Variants in ZW10 observed in about 807,000 individuals in gnomAD.
ZW10 encodes the protein zw10 kinetochore protein, also known as centromere/kinetochore protein zw10 homolog.
In ZW10, 53 loss-of-function variants were observed where a neutral mutation model predicts 87.8. The observed-to-expected ratio is 0.60, with a 90% CI of 0.48 to 0.76. The LOEUF is 0.76. Among genes scored for constraint, ZW10 ranks in the 30% least tolerant of loss-of-function variants. The pLI is 0.00. For synonymous variants in ZW10, 312 were observed against 329.2 expected, an observed-to-expected ratio of 0.95 and a Z score of 0.57; for missense variants, 837 against 923.0, an observed-to-expected ratio of 0.91 and a Z score of 1.21.
intron 9 of ZW10, among the ~76,000 whole-genome samples, chr11:113,745,799 AG>A: frequency 6.6e-6 from 1 of 152,248 alleles, no homozygotes. Context: ...GAGTACACAT[AG>A]GGGAATAAAG....
intron 9 of ZW10, among the ~76,000 whole-genome samples, chr11:113,744,657 T>C (rs1029023452): frequency 6.6e-6 from 1 of 151,994 alleles, no homozygotes; most frequent in East Asian, 1.9e-4. Flanking sequence ...GGCACAATCA[T>C]AGCTCACTGT....
At chr11:113,735,138 C>G in intron 15 of ZW10, among the ~76,000 whole-genome samples, 2 of 152,060 alleles carry the variant, frequency 1.3e-5, no homozygotes, top group Admixed American at 1.3e-4. Context: ...CTACTGTATT[C>G]CTTCATATGT....
chr11:113,736,274 C>CAA (rs113525581), intron 15 of ZW10, among the ~76,000 whole-genome samples: 1 of 136,448 alleles, frequency 7.3e-6, no homozygotes, highest in Non-Finnish European at 1.6e-5. Flanking sequence ...GACCATGTCT[C>CAA]AAAAAAAAAA....
chr11:113,750,289 C>T (rs1228650519), intron 7 of ZW10, among the ~76,000 whole-genome samples: 28 of 151,254 alleles, frequency 1.9e-4, no homozygotes, highest in Admixed American at 1.8e-3. Context: ...TTGCTTGTTG[C>T]ATACAAAACA....
chr11:113,758,504 A>C (rs1953821386), intron 6 of ZW10, 50 bp downstream of exon 6: 1 of 1,576,302 alleles, frequency 6.3e-7, no homozygotes, highest in African/African-American at 1.4e-5. Flanking sequence ...TCCCTTTAAT[A>C]CTGGGCCTCA....
In ZW10 at chr11:113,739,263, C is replaced by A. The variant is rs756685419; in HGVS notation, c.1703G>T (p.Cys568Phe). 1 of 1,613,868 alleles carries A rather than the reference C, an allele frequency of 6.2e-7. No homozygotes were observed. Among genetic ancestry groups the A allele is most frequent in the South Asian group, 1.1e-5 (1 of 91,012 alleles). The change falls in exon 12 of 16, where the codon TGT (cysteine) becomes TTT (phenylalanine). Residue 568 changes from cysteine to phenylalanine, a missense_variant. Cys to Phe is a radical substitution (Grantham distance 205). Coordinates refer to ENST00000200135, the MANE Select transcript of ZW10 (RefSeq NM_004724.4). ...ATCCACAAAAGTAGCAGTGCCATCACAAAGAATGGGGGCAAGACGCAATCT... is the reference window on the plus strand; with the variant it reads ...ATCCACAAAAGTAGCAGTGCCATCAAAAAGAATGGGGGCAAGACGCAATCT... ...QFRLRLAPILCDGTATFVDLV... is the reference protein window; with the variant it reads ...QFRLRLAPILFDGTATFVDLV...
At chr11:113,744,070 T>C (rs1196980485) in intron 9 of ZW10, 30 bp from the exon 10 acceptor site, 3 of 1,541,666 alleles carry the variant, frequency 1.9e-6, no homozygotes, top group East Asian at 2.3e-5. Context: ...ATACAGAAAA[T>C]ATATTGTTTT....
chr11:113,757,820 A>G lies in ZW10; in HGVS notation c.767T>C (p.Leu256Pro). The G allele has an allele frequency of 6.2e-7, 1 of 1,612,440 alleles. No homozygotes were observed. Among genetic ancestry groups the G allele is most frequent in the Non-Finnish European group, 8.5e-7 (1 of 1,179,092 alleles). ...AGCATGAAGGGATGGGCAAGATGCC[A>G]GCGGCCTAAGGATATACTTCAGCAG... ...QMLLKYILRP[L>P]ASCPSLHAVI... Residue 256 changes from leucine (L) to proline (P), a missense_variant, in exon 7 of 16, where the codon CTG becomes CCG. Coordinates refer to ENST00000200135, the MANE Select transcript of ZW10 (RefSeq NM_004724.4).
In ZW10 at chr11:113,748,276, TTGC is replaced by T; in HGVS notation, c.1067_1069del (p.Ser356del). On this transcript the variant is annotated inframe_deletion, in exon 8 of 16. Transcript: ENST00000200135. ...CTTTACCTCTTCATATTGCTGTAAT[TTGC>T]TGCTATTTGTTGGAATCGAATAAAC... is the stretch of plus-strand genomic sequence containing the variant. The T allele has an allele frequency of 6.2e-7, 1 of 1,612,754 alleles. No homozygotes were observed. Among genetic ancestry groups the T allele is most frequent in the Non-Finnish European group, 8.5e-7 (1 of 1,179,624 alleles).
chr11:113,746,126 G>A (rs910402725), intron 9 of ZW10, among the ~76,000 whole-genome samples: 18 of 152,140 alleles, frequency 1.2e-4, no homozygotes, highest in Non-Finnish European at 2.1e-4. Flanking sequence ...AGAATTAGCC[G>A]GTCCCAAATG....
Position 113,736,761 on chromosome 11 carries a change from C to T in ZW10, c.2078G>A (p.Gly693Glu). Residue 693 changes from glycine (G) to glutamate (E), a missense_variant, in exon 15 of 16, where the codon GGA becomes GAA. Coordinates refer to ENST00000200135, the MANE Select transcript of ZW10 (RefSeq NM_004724.4). ...AGATAAAGGTGCAAATACTTGGGGT[C>T]CTTCATCCATCACTGTTTTGCATAA... is the stretch of plus-strand genomic sequence containing the variant. ...YSLCKTVMDE[G>E]PQVFAPLSEE... 1 of 1,614,142 alleles carries T rather than the reference C, an allele frequency of 6.2e-7. No homozygotes were observed. Among genetic ancestry groups the T allele is most frequent in the East Asian group, 2.2e-5 (1 of 44,882 alleles).
intron 10 of ZW10, among the ~76,000 whole-genome samples, chr11:113,743,482 C>T (rs1365372199): frequency 6.6e-6 from 1 of 152,126 alleles, no homozygotes; most frequent in African/African-American, 2.4e-5. Context: ...AGTAAAAATT[C>T]AACAACAATT....
intron 2 of ZW10, among the ~76,000 whole-genome samples, chr11:113,768,049 C>T (rs959762710): frequency 5.3e-5 from 8 of 152,202 alleles, no homozygotes; most frequent in African/African-American, 7.2e-5. Context: ...TTACCAGGCA[C>T]GAGATTCACA....
chr11:113,750,286 T>C (rs1276202656), intron 7 of ZW10, among the ~76,000 whole-genome samples: 2 of 151,968 alleles, frequency 1.3e-5, no homozygotes, highest in Admixed American at 6.6e-5. Context: ...TGCTTGCTTG[T>C]TGCATACAAA....
intron 15 of ZW10, among the ~76,000 whole-genome samples, chr11:113,734,547 G>A (rs994143616): frequency 2.0e-5 from 3 of 152,154 alleles, no homozygotes; most frequent in African/African-American, 7.2e-5. Flanking sequence ...GCTCACACCT[G>A]TAATCCCAAC....
At chr11:113,748,695 G>A (rs759623686) in intron 7 of ZW10, among the ~76,000 whole-genome samples, 7 of 152,134 alleles carry the variant, frequency 4.6e-5, no homozygotes, top group Non-Finnish European at 1.0e-4. Context: ...AGTGCTAGCT[G>A]CTGATTTGAT....
At position 113,733,689 on chromosome 11, in the gene ZW10, T is replaced by C; in HGVS notation, c.*5A>G. The stretch of plus-strand genomic sequence containing the variant: ...TCAAGACATAGCTTTCTTAAGAAGA[T>C]GGAGCTATTTAATTTTAGCAAGGGC... On this transcript the variant is annotated 3_prime_UTR_variant, in exon 16 of 16. Transcript: ENST00000200135. 1.2e-6 allele frequency: 2 copies of C among 1,613,974 alleles called. No individual in the cohort carries two copies. Among genetic ancestry groups the C allele is most frequent in the African/African-American group, 2.7e-5 (2 of 75,040 alleles).
chr11:113,763,759 G>C (rs1953885786), intron 2 of ZW10, among the ~76,000 whole-genome samples: 1 of 152,094 alleles, frequency 6.6e-6, no homozygotes, highest in Non-Finnish European at 1.5e-5. Context: ...CTGGATATTA[G>C]ACCTTTGTCA....
intron 1 of ZW10, among the ~76,000 whole-genome samples, chr11:113,773,071 G>A (rs1486162585): frequency 2.6e-5 from 4 of 151,780 alleles, no homozygotes; most frequent in Non-Finnish European, 5.9e-5. Flanking sequence ...AATCCTCCAG[G>A]CTATTTTATT....
Sources: gnomAD v4.1 joint callset for allele counts (sites outside exome capture counted in the v4.1 genomes callset) on GRCh38, gnomAD v4.1.1 for gene constraint, MANE v1.5 for transcripts, NCBI Gene and HGNC (gene_info 2026-07-23, HGNC 2026-07-21) for gene names.